Variants in RBPMS observed in about 807,000 individuals in gnomAD.
RBPMS encodes RNA-binding protein with multiple splicing.
Under a neutral mutation model 26.8 loss-of-function variants are expected in RBPMS, and 7 were observed. That is an observed-to-expected ratio of 0.26 (90% CI 0.15 to 0.49). The LOEUF is 0.49. Ranked by LOEUF, RBPMS falls within the 20% of genes least tolerant of loss-of-function variation. RBPMS has a pLI of 0.98. For synonymous variants in RBPMS, 96 were observed against 93.3 expected (o/e 1.03, Z -0.17); for missense variants, 186 against 250.0 (o/e 0.74, Z 1.73).
chr8:30,543,780 G>A (rs757851112), intron 5 of RBPMS, among the ~76,000 whole-genome samples: 2 of 152,176 alleles, frequency 1.3e-5, no homozygotes, highest in Admixed American at 6.5e-5. Context: ...GGAACACTTA[G>A]ACCAGGCACT....
At chr8:30,431,400 T>C (rs1050455816) in intron 1 of RBPMS, among the ~76,000 whole-genome samples, 3 of 151,180 alleles carry the variant, frequency 2.0e-5, no homozygotes, top group African/African-American at 7.3e-5. Flanking sequence ...TTTCTTTTTC[T>C]CTTTTCTTTC....
At chr8:30,504,217 A>G in intron 4 of RBPMS, 69 bp from the exon 5 acceptor site, 1 of 1,568,424 alleles carries the variant, frequency 6.4e-7, no homozygotes, top group Non-Finnish European at 8.8e-7. Flanking sequence ...TGGTGTGTTT[A>G]TTTTGTCACC....
chr8:30,452,258 G>T (rs1814672018), intron 1 of RBPMS, among the ~76,000 whole-genome samples: 1 of 152,194 alleles, frequency 6.6e-6, no homozygotes, highest in African/African-American at 2.4e-5. Flanking sequence ...ATCAGGGTCT[G>T]TAAAGTCCAA....
At chr8:30,566,199 G>C in intron 7 of RBPMS, 58 bp from the exon 8 acceptor site, 1 of 952,766 alleles carries the variant, frequency 1.0e-6, no homozygotes, top group Non-Finnish European at 1.3e-6. Context: ...TCAAGACCGA[G>C]GCAGCCCCAG....
intron 8 of RBPMS, among the ~76,000 whole-genome samples, chr8:30,569,173 C>T (rs531916377): frequency 6.6e-6 from 1 of 152,326 alleles, no homozygotes; most frequent in East Asian, 1.9e-4. Context: ...TGCTCCCAGG[C>T]CAGACACCAT....
At chr8:30,481,017 C>G (rs1179918619) in intron 4 of RBPMS, among the ~76,000 whole-genome samples, 1 of 152,360 alleles carries the variant, frequency 6.6e-6, no homozygotes, top group Non-Finnish European at 1.5e-5. Context: ...ATGTCACTGA[C>G]TCATTTTCTG....
At chr8:30,437,533 G>A (rs1175914040) in intron 1 of RBPMS, among the ~76,000 whole-genome samples, 1 of 152,048 alleles carries the variant, frequency 6.6e-6, no homozygotes, top group Non-Finnish European at 1.5e-5. Context: ...GCTCATGCCT[G>A]TAATCCCAGC....
intron 1 of RBPMS, among the ~76,000 whole-genome samples, chr8:30,466,003 C>T (rs1816452520): frequency 2.6e-5 from 4 of 152,166 alleles, no homozygotes; most frequent in African/African-American, 4.8e-5. Flanking sequence ...CTCTCTTCCA[C>T]CTGTGCTCCC....
chr8:30,555,763 A>T, intron 6 of RBPMS: 1 of 467,088 alleles, frequency 2.1e-6, no homozygotes, highest in Non-Finnish European at 2.8e-6. Flanking sequence ...TTTCCCCGTT[A>T]AGAAGAATTG....
chr8:30,495,713 C>T (rs1392413014), intron 4 of RBPMS, among the ~76,000 whole-genome samples: 1 of 152,204 alleles, frequency 6.6e-6, no homozygotes, highest in Non-Finnish European at 1.5e-5. Context: ...GATGTCTTTG[C>T]AAGCAATGCC....
intron 1 of RBPMS, among the ~76,000 whole-genome samples, chr8:30,393,891 A>AGT (rs994311111): frequency 7.0e-6 from 1 of 142,624 alleles, no homozygotes; most frequent in African/African-American, 2.6e-5. Flanking sequence ...GTCAGCTCAA[A>AGT]GTAGTCCAGG....
chr8:30,387,025 A>T (rs1807188865), intron 1 of RBPMS: 1 of 151,970 alleles, frequency 6.6e-6, no homozygotes, highest in Admixed American at 6.6e-5. Context: ...CGTCCTTGTG[A>T]GGTTGTGTAT....
chr8:30,455,751 G>A (rs1464227973), intron 1 of RBPMS, among the ~76,000 whole-genome samples: 1 of 152,100 alleles, frequency 6.6e-6, no homozygotes, highest in Non-Finnish European at 1.5e-5. Flanking sequence ...TTAGCCAGGC[G>A]TGGTGGTGGG....
At chr8:30,422,219 G>A (rs1260143763) in intron 1 of RBPMS, among the ~76,000 whole-genome samples, 2 of 151,696 alleles carry the variant, frequency 1.3e-5, no homozygotes, top group African/African-American at 2.4e-5. Flanking sequence ...GGGTTCAAGT[G>A]ATTCTCCTGT....
chr8:30,550,199 G>A (rs992505714), intron 6 of RBPMS, among the ~76,000 whole-genome samples: 1 of 152,180 alleles, frequency 6.6e-6, no homozygotes, highest in Non-Finnish European at 1.5e-5. Flanking sequence ...TTTCAGGAGA[G>A]CTCTGCGGGG....
chr8:30,449,969 G>C (rs1270307114), intron 1 of RBPMS, among the ~76,000 whole-genome samples: 1 of 152,222 alleles, frequency 6.6e-6, no homozygotes, highest in Non-Finnish European at 1.5e-5. Flanking sequence ...AAGTCAACTA[G>C]GATGTCCTGT....
At position 30,563,604 on chromosome 8, in the gene RBPMS, T is replaced by C. The variant is rs191266389; in HGVS notation, c.*8-2653T>C. 2.6e-5 allele frequency among the ~76,000 whole-genome samples: 4 copies of C among 152,280 alleles called. No individual in the cohort carries two copies. In the East Asian group the frequency reaches 5.8e-4, roughly 22 times the overall value. ...CACATGTAGTTACAGCCTCCCCAGA[T>C]TGGAGAAGGAAATGCAAGAGAGAAC... On this transcript the variant is annotated intron_variant, in intron 7 of 8. Transcript: ENST00000397323.
At chr8:30,527,306 CCT>C (rs1223729432) in intron 5 of RBPMS, among the ~76,000 whole-genome samples, 2 of 152,140 alleles carry the variant, frequency 1.3e-5, no homozygotes, top group African/African-American at 4.8e-5. Context: ...CCCAGGCCTT[CCT>C]CTCGTCCCTA....
chr8:30,481,868 A>G (rs1034150180), intron 4 of RBPMS, among the ~76,000 whole-genome samples: 1 of 152,200 alleles, frequency 6.6e-6, no homozygotes, highest in African/African-American at 2.4e-5. Context: ...AGTTAGGGAA[A>G]CAGACGTGGA....
Sources: gnomAD v4.1 joint callset for allele counts (sites outside exome capture counted in the v4.1 genomes callset) on GRCh38, gnomAD v4.1.1 for gene constraint, MANE v1.5 for transcripts, NCBI Gene and HGNC (gene_info 2026-07-23, HGNC 2026-07-21) for gene names.